CFAP20DC: variants seen among roughly 807,000 people sequenced by gnomAD.
CFAP20DC encodes CFAP20 domain containing, also known as protein CFAP20DC.
CFAP20DC carries 84 observed loss-of-function variants against 101.7 expected under a neutral mutation model. The ratio of observed to expected loss-of-function variants is 0.83; its 90% confidence interval spans 0.69 to 0.99. The LOEUF (loss-of-function observed/expected upper bound fraction) is 0.99, where lower values mean the gene tolerates loss of function less well. CFAP20DC is among the 50% of genes least tolerant of loss of function. The probability of loss-of-function intolerance (pLI) is 0.00; values close to 1 mark genes in which losing one functional copy is unlikely to be tolerated. For synonymous variants in CFAP20DC, 359 were observed against 351.2 expected, an observed-to-expected ratio of 1.02 and a Z score of -0.25; for missense variants, 1,007 against 970.3, an observed-to-expected ratio of 1.04 and a Z score of -0.50.
chr3:58,841,570 A>C (rs1333969969), intron 13 of CFAP20DC, among the ~76,000 whole-genome samples: 2 of 152,232 alleles, frequency 1.3e-5, no homozygotes, highest in African/African-American at 2.4e-5. Flanking sequence ...ACATTATCCA[A>C]AGGAAATGGC....
chr3:58,886,071 T>A (rs115661494), intron 6 of CFAP20DC, among the ~76,000 whole-genome samples: 4,163 of 152,218 alleles, frequency 0.027, 85 homozygotes, highest in African/African-American at 0.049. Context: ...CAAGTGGGAA[T>A]ATAAATTAGT....
chr3:58,880,393 G>A (rs1160280724), intron 7 of CFAP20DC, among the ~76,000 whole-genome samples: 2 of 152,110 alleles, frequency 1.3e-5, no homozygotes, highest in Admixed American at 1.3e-4. Flanking sequence ...GGCAGAGCAG[G>A]TCATTCTTCG....
intron 14 of CFAP20DC, among the ~76,000 whole-genome samples, chr3:58,807,366 AAACTT>A (rs1182884713): frequency 6.6e-6 from 1 of 152,154 alleles, no homozygotes; most frequent in African/African-American, 2.4e-5. Flanking sequence ...CTCTGAGATA[AAACTT>A]CCAGAGGAAC....
At chr3:58,990,754 GGT>G (rs71091398) in intron 4 of CFAP20DC, among the ~76,000 whole-genome samples, 1,459 of 143,386 alleles carry the variant, frequency 0.01, 8 homozygotes, top group African/African-American at 0.017. Context: ...ATGCTCAGCT[GGT>G]GTGTGTGTGT....
chr3:58,931,364 C>T (rs1249246548), intron 5 of CFAP20DC, among the ~76,000 whole-genome samples: 1 of 152,216 alleles, frequency 6.6e-6, no homozygotes, highest in Non-Finnish European at 1.5e-5. Flanking sequence ...AACAAAAAGA[C>T]AGCAGTAACC....
At chr3:58,761,169 C>G (rs1169034115) in intron 15 of CFAP20DC, among the ~76,000 whole-genome samples, 1 of 152,128 alleles carries the variant, frequency 6.6e-6, no homozygotes, top group African/African-American at 2.4e-5. Flanking sequence ...TGGTTCTGGA[C>G]TTTTTTTGGT....
At chr3:58,787,878 AACAC>A (rs1166248131) in intron 15 of CFAP20DC, among the ~76,000 whole-genome samples, 1 of 152,048 alleles carries the variant, frequency 6.6e-6, no homozygotes, top group East Asian at 1.9e-4. Flanking sequence ...TCAGCAAATT[AACAC>A]ACAAACAGGA....
At chr3:58,751,738 G>A (rs1302051898) in intron 16 of CFAP20DC, among the ~76,000 whole-genome samples, 4 of 152,030 alleles carry the variant, frequency 2.6e-5, no homozygotes, top group African/African-American at 7.2e-5. Context: ...GCTGGGCTCT[G>A]GGGCCAGGCT....
At chr3:58,764,148 G>C (rs778003692) in intron 15 of CFAP20DC, among the ~76,000 whole-genome samples, 1 of 152,182 alleles carries the variant, frequency 6.6e-6, no homozygotes, top group Non-Finnish European at 1.5e-5. Context: ...AGTCTACAGA[G>C]ACAGGCAGGC....
chr3:58,996,649 A>T (rs963972705), intron 4 of CFAP20DC, among the ~76,000 whole-genome samples: 2 of 152,208 alleles, frequency 1.3e-5, no homozygotes, highest in Non-Finnish European at 2.9e-5. Flanking sequence ...TTTATTGCTG[A>T]TCTACAGAGA....
chr3:58,809,196 G>C (rs1322845802), intron 14 of CFAP20DC, among the ~76,000 whole-genome samples: 1 of 152,040 alleles, frequency 6.6e-6, no homozygotes, highest in Non-Finnish European at 1.5e-5. Flanking sequence ...TCTGCACCAA[G>C]CGGACCTAAT....
At chr3:58,776,238 T>C (rs2071330698) in intron 15 of CFAP20DC, among the ~76,000 whole-genome samples, 1 of 152,156 alleles carries the variant, frequency 6.6e-6, no homozygotes, top group Non-Finnish European at 1.5e-5. Flanking sequence ...AATATGCCAC[T>C]CCCAAACATG....
chr3:58,825,905 C>T (rs892781416), intron 14 of CFAP20DC, among the ~76,000 whole-genome samples: 1 of 152,196 alleles, frequency 6.6e-6, no homozygotes, highest in Non-Finnish European at 1.5e-5. Context: ...TTTAATTACA[C>T]TTTTAAATGA....
Position 58,913,985 on chromosome 3 carries a change from A to G in CFAP20DC, c.394-121T>C. 2 of 1,021,438 alleles carry G rather than the reference A, an allele frequency of 2.0e-6. No homozygotes were observed. Among genetic ancestry groups the G allele is most frequent in the East Asian group, 5.1e-5 (2 of 39,382 alleles). 63.3% of individuals were successfully genotyped at this position (1,021,438 alleles called of 1,614,324 possible). ...TATCCTGATCAACAAGCCCCAAACT[A>G]ATTTTCCTCTTTAGGTAAACTTATC... On this transcript the variant is annotated intron_variant, in intron 5 of 16. Transcript: ENST00000482387. The surrounding 1 kb of genome is among the most constrained non-coding windows in gnomAD (Gnocchi z 4.4).
At chr3:58,814,637 C>T (rs1035396340) in intron 14 of CFAP20DC, among the ~76,000 whole-genome samples, 1 of 151,206 alleles carries the variant, frequency 6.6e-6, no homozygotes, top group African/African-American at 2.5e-5. Flanking sequence ...TCTCCTTAAG[C>T]TGATAATCAA....
chr3:58,842,500 G>A (rs1284919324), intron 13 of CFAP20DC, among the ~76,000 whole-genome samples: 2 of 152,114 alleles, frequency 1.3e-5, no homozygotes, highest in African/African-American at 4.8e-5. Flanking sequence ...CCCACACCTG[G>A]CTCGGAGGGT....
intron 7 of CFAP20DC, among the ~76,000 whole-genome samples, chr3:58,875,321 T>C (rs17059926): frequency 0.099 from 15,076 of 152,182 alleles, 2,481 homozygotes; most frequent in African/African-American, 0.34. Context: ...AGAAATGACA[T>C]TCACATTCCA....
Position 58,870,172 on chromosome 3 carries a change from C to T in CFAP20DC, c.852+1G>A. ...ATAAGCTCTCCAAACCTTGCTCCTA[C>T]CTCGCTGGATATCTTCATGTTATTC... On this transcript the variant is annotated splice_donor_variant, in intron 8 of 16. Transcript: ENST00000482387. LOFTEE classifies it high-confidence loss of function. 1 of 1,533,670 alleles carries T rather than the reference C, an allele frequency of 6.5e-7. No homozygotes were observed. The highest frequency in any genetic ancestry group is 1.1e-5 in the South Asian group (1 of 90,194).
intron 15 of CFAP20DC, among the ~76,000 whole-genome samples, chr3:58,785,285 T>C (rs2072233382): frequency 6.6e-6 from 1 of 151,998 alleles, no homozygotes. Context: ...GGGAAGGCTG[T>C]GTGGGTAGGA....
Sources: gnomAD v4.1 joint callset for allele counts (sites outside exome capture counted in the v4.1 genomes callset) on GRCh38, gnomAD v4.1.1 for gene constraint, Gnocchi (gnomAD v3.1) non-coding constraint, MANE v1.5 for transcripts, NCBI Gene and HGNC (gene_info 2026-07-23, HGNC 2026-07-21) for gene names.